DSG2: variants seen among roughly 807,000 people sequenced by gnomAD.
DSG2 encodes the protein desmoglein 2, also known as desmoglein-2.
DSG2 carries 45 observed loss-of-function variants against 75.6 expected under a neutral mutation model. The observed-to-expected ratio is 0.60, with a 90% CI of 0.47 to 0.76. DSG2 has a LOEUF of 0.76. Among genes scored for constraint, DSG2 ranks in the 30% least tolerant of loss-of-function variants. The probability of loss-of-function intolerance (pLI) is 0.00; values close to 1 mark genes in which losing one functional copy is unlikely to be tolerated. For missense variants in DSG2, 1,267 were observed against 1,357.4 expected (o/e 0.93, Z 1.05); for synonymous variants, 429 against 483.9 (o/e 0.89, Z 1.49).
intron 1 of DSG2, among the ~76,000 whole-genome samples, chr18:31,500,197 G>C (rs1208556571): frequency 6.6e-6 from 1 of 152,192 alleles, no homozygotes; most frequent in African/African-American, 2.4e-5. Flanking sequence ...GCAAGAATAG[G>C]TTTATTTCGG....
At chr18:31,540,694 C>T (rs1425382669) in intron 12 of DSG2, among the ~76,000 whole-genome samples, 1 of 152,162 alleles carries the variant, frequency 6.6e-6, no homozygotes, top group African/African-American at 2.4e-5. Flanking sequence ...TAATTCTTTA[C>T]TACATTGATC....
chr18:31,534,345 G>A (rs2073215642), intron 9 of DSG2, among the ~76,000 whole-genome samples: 1 of 151,920 alleles, frequency 6.6e-6, no homozygotes, highest in East Asian at 1.9e-4. Context: ...CCCAGCATTG[G>A]CTCCTTCCAC....
At chr18:31,536,467 T>C (rs2073231708) in intron 11 of DSG2, 38 bp downstream of exon 11, 1 of 1,539,510 alleles carries the variant, frequency 6.5e-7, no homozygotes, top group Non-Finnish European at 8.9e-7. Context: ...AATCTAAATA[T>C]TAAGCATGAT....
At chr18:31,535,481 C>G (rs2073224088) in intron 10 of DSG2, 69 bp downstream of exon 10, 1 of 1,373,306 alleles carries the variant, frequency 7.3e-7, no homozygotes, top group Non-Finnish European at 1.0e-6. Context: ...CATCAGAAAC[C>G]ATTGATTTGA....
At chr18:31,528,528 A>G (rs977098580) in intron 8 of DSG2, among the ~76,000 whole-genome samples, 1 of 152,046 alleles carries the variant, frequency 6.6e-6, no homozygotes, top group South Asian at 2.1e-4. Flanking sequence ...CCTGGGCAAC[A>G]TGGTGAAACC....
intron 4 of DSG2, 22 bp downstream of exon 4, chr18:31,520,986 T>G (rs768523735): frequency 1.2e-6 from 2 of 1,611,704 alleles, no homozygotes; most frequent in Admixed American, 1.7e-5. Flanking sequence ...AATTTTAGAT[T>G]TATTAGTTTG....
intron 1 of DSG2, among the ~76,000 whole-genome samples, chr18:31,512,214 T>C (rs1376921209): frequency 6.6e-6 from 1 of 152,126 alleles, no homozygotes; most frequent in Non-Finnish European, 1.5e-5. Flanking sequence ...CACCTTCAGC[T>C]TACCCCATCC....
chr18:31,527,767 T>G (rs2704042), intron 8 of DSG2, among the ~76,000 whole-genome samples: 69,399 of 151,880 alleles, frequency 0.46, 16,888 homozygotes, highest in African/African-American at 0.64. Context: ...TCATCTGGGT[T>G]GCTTATTAAC....
rs538822445 is a variant in DSG2, at chr18:31,506,275, C to T, written c.45+7979C>T. On this transcript the variant is annotated intron_variant, in intron 1 of 14. Coordinates refer to ENST00000261590, the MANE Select transcript of DSG2 (RefSeq NM_001943.5). ...GCTACAGTGAGTCATCAATAAGGTCCGAACTTCTGGAACTAGATAATTAAT... is the reference window on the plus strand; with the variant it reads ...GCTACAGTGAGTCATCAATAAGGTCTGAACTTCTGGAACTAGATAATTAAT... Among the ~76,000 whole-genome samples the T allele has an allele frequency of 4.6e-5, 7 of 152,038 alleles. No homozygotes were observed. In the South Asian group the frequency reaches 6.2e-4, roughly 14 times the overall value.
intron 12 of DSG2, among the ~76,000 whole-genome samples, chr18:31,539,960 C>T (rs539720101): frequency 2.0e-5 from 3 of 152,126 alleles, no homozygotes; most frequent in South Asian, 2.1e-4. Context: ...ATCCAGGTTG[C>T]GTGCTCCTTA....
At chr18:31,511,807 A>G (rs559650953) in intron 1 of DSG2, among the ~76,000 whole-genome samples, 1 of 152,122 alleles carries the variant, frequency 6.6e-6, no homozygotes, top group South Asian at 2.1e-4. Context: ...TGAAAACACC[A>G]TGTCACCAGT....
At chr18:31,523,658 A>T (rs1484112489) in intron 6 of DSG2, among the ~76,000 whole-genome samples, 1 of 152,224 alleles carries the variant, frequency 6.6e-6, no homozygotes, top group South Asian at 2.1e-4. Context: ...ACCTTCTGCC[A>T]GGTACTGTTC....
At chr18:31,536,066 T>C in intron 10 of DSG2, 136 bp from the exon 11 acceptor site, 1 of 788,506 alleles carries the variant, frequency 1.3e-6, no homozygotes, top group Non-Finnish European at 2.1e-6. Flanking sequence ...TGGTCCAAAT[T>C]TGAAACATAT....
At chr18:31,536,083 T>C (rs1193073845) in intron 10 of DSG2, 119 bp from the exon 11 acceptor site, 2 of 888,234 alleles carry the variant, frequency 2.3e-6, no homozygotes, top group Admixed American at 4.0e-5. Context: ...ATATCTAGGA[T>C]AGAAAATGTC....
chr18:31,511,577 C>CT (rs2073067255), intron 1 of DSG2, among the ~76,000 whole-genome samples: 3 of 152,054 alleles, frequency 2.0e-5, no homozygotes, highest in Non-Finnish European at 4.4e-5. Flanking sequence ...GTTCTTTTTT[C>CT]TTTTTTTGTA....
rs2073154035 is a variant in DSG2, at chr18:31,524,854, C to T, written c.980C>T (p.Ala327Val). 1.2e-6 allele frequency: 2 copies of T among 1,614,006 alleles called. No individual in the cohort carries two copies. Among genetic ancestry groups the T allele is most frequent in the African/African-American group, 2.7e-5 (2 of 74,908 alleles). ...EGGYFHIETDAQTNEGIVTLI... is the reference protein window; with the variant it reads ...EGGYFHIETDVQTNEGIVTLI... Reference sequence around the variant, plus strand: ...GGTTATTTCCACATAGAAACAGATGCTCAAACTAACGAAGGAATTGTGACC... The same window carrying T: ...GGTTATTTCCACATAGAAACAGATGTTCAAACTAACGAAGGAATTGTGACC... Residue 327 changes from alanine (A) to valine (V), a missense_variant, in exon 8 of 15, where the codon GCT becomes GTT. Ala to Val is a moderately conservative substitution (Grantham distance 64). Transcript: ENST00000261590.
intron 14 of DSG2, chr18:31,543,068 T>A (rs1296064791): frequency 1.1e-5 from 5 of 469,058 alleles, no homozygotes; most frequent in Non-Finnish European, 1.9e-5. Flanking sequence ...GTAACCATGA[T>A]CTTAGTTCTC....
rs780650457 is a variant in DSG2, at chr18:31,519,886, C to T, written c.165C>T (p.Pro55=). 1.5e-5 allele frequency: 24 copies of T among 1,614,048 alleles called. No individual in the cohort carries two copies. The African/African-American group carries it at 1.6e-4, about 11-fold the overall frequency. ...VRQKRAWITA[P]VALREGEDLS... is the part of the protein sequence containing the mutation. ...AAAAGCGCGCCTGGATCACCGCCCCCGTGGCTCTTCGGGAGGGAGAGGATC... is the reference window on the plus strand; with the variant it reads ...AAAAGCGCGCCTGGATCACCGCCCCTGTGGCTCTTCGGGAGGGAGAGGATC... Residue 55 remains proline (P), a synonymous_variant, in exon 3 of 15, where the codon CCC becomes CCT. Transcript: ENST00000261590.
At chr18:31,513,185 T>G (rs900694302) in intron 1 of DSG2, among the ~76,000 whole-genome samples, 7 of 152,224 alleles carry the variant, frequency 4.6e-5, no homozygotes, top group Non-Finnish European at 7.3e-5. Flanking sequence ...AGAAAAAGTT[T>G]AGAGAGAGAG....
Sources: allele counts gnomAD v4.1 joint callset (sites outside exome capture counted in the v4.1 genomes callset), GRCh38; gene constraint gnomAD v4.1.1; transcripts MANE v1.5; gene names NCBI Gene and HGNC (gene_info 2026-07-23, HGNC 2026-07-21).